The following SCAP variants were observed in gnomAD, a reference collection of about 807,000 sequenced individuals.
The protein encoded by SCAP is sterol regulatory element-binding protein cleavage-activating protein.
In SCAP, 65 loss-of-function variants were observed where a neutral mutation model predicts 123.6. That is an observed-to-expected ratio of 0.53 (90% CI 0.43 to 0.65). The LOEUF (loss-of-function observed/expected upper bound fraction) is 0.65, where lower values mean the gene tolerates loss of function less well. SCAP is among the 30% of genes least tolerant of loss of function. The probability of loss-of-function intolerance (pLI) is 0.00; values close to 1 mark genes in which losing one functional copy is unlikely to be tolerated. For synonymous variants in SCAP, 740 were observed against 726.3 expected, an observed-to-expected ratio of 1.02 and a Z score of -0.30; for missense variants, 1,398 against 1,712.5, an observed-to-expected ratio of 0.82 and a Z score of 3.24.
intron 18 of SCAP, 148 bp from the exon 19 acceptor site, chr3:47,415,328 T>C: frequency 1.5e-6 from 1 of 661,246 alleles, no homozygotes; most frequent in Non-Finnish European, 2.5e-6. Context: ...GAACAGATGC[T>C]GGAGCCAGAG....
chr3:47,434,954 G>T (rs752831413), intron 3 of SCAP, 54 bp downstream of exon 3: 3 of 1,612,322 alleles, frequency 1.9e-6, no homozygotes, highest in Non-Finnish European at 2.5e-6. Flanking sequence ...CCCTGCCTCA[G>T]CCAGTCTCCA....
rs199738061 is a variant in SCAP, at chr3:47,414,582, T to C, written c.3377A>G (p.Tyr1126Cys). 16 of 1,613,468 alleles carry C rather than the reference T, an allele frequency of 9.9e-6. No homozygotes were observed. The Admixed American group carries it at 2.5e-4, about 25-fold the overall frequency. Residue 1126 changes from tyrosine to cysteine, a missense_variant, in exon 21 of 23, where the codon TAC becomes TGC. Coordinates refer to ENST00000265565, the MANE Select transcript of SCAP (RefSeq NM_012235.4). ...QGHSGAITTV[Y>C]IDQTMVLASG... is the part of the protein sequence containing the mutation. ...CTGCAGGCCGCTTACCTGGTCAATGTACACGGTCGTGATGGCCCCTGAGTG... is the reference window on the plus strand; with the variant it reads ...CTGCAGGCCGCTTACCTGGTCAATGCACACGGTCGTGATGGCCCCTGAGTG...
chr3:47,437,638 G>C (rs1324859466), intron 2 of SCAP, among the ~76,000 whole-genome samples: 1 of 151,826 alleles, frequency 6.6e-6, no homozygotes, highest in Non-Finnish European at 1.5e-5. Flanking sequence ...CCCAGCTCGG[G>C]AGGCTTAAGT....
intron 3 of SCAP, 177 bp from the exon 4 acceptor site, chr3:47,428,847 T>C: frequency 1.6e-6 from 1 of 636,992 alleles, no homozygotes. Context: ...AACAATTTGC[T>C]GAAACCCAGA....
upstream of SCAP, among the ~76,000 whole-genome samples, chr3:47,476,660 G>C (rs977951942): frequency 6.6e-6 from 1 of 152,166 alleles, no homozygotes; most frequent in Non-Finnish European, 1.5e-5. Context: ...TGCGGAGCTG[G>C]TATTGTACAT....
intron 3 of SCAP, 51 bp from the exon 4 acceptor site, chr3:47,428,721 G>C: frequency 6.3e-7 from 1 of 1,594,766 alleles, no homozygotes; most frequent in South Asian, 1.1e-5. Context: ...ACAGGAAGAA[G>C]AAAGACGGTC....
intron 6 of SCAP, among the ~76,000 whole-genome samples, chr3:47,426,940 C>T (rs1023035182): frequency 3.9e-5 from 6 of 152,184 alleles, no homozygotes; most frequent in Non-Finnish European, 8.8e-5. Flanking sequence ...CCAGCCCTAC[C>T]TTAGTCCCCT....
Position 47,442,943 on chromosome 3 carries a change from G to T in SCAP, c.51C>A (p.Asn17Lys). The T allele has an allele frequency of 6.2e-7, 1 of 1,614,146 alleles. No individual in the cohort carries two copies. The highest frequency in any genetic ancestry group is 8.5e-7 in the Non-Finnish European group (1 of 1,180,028). ...LREKISRAFY[N>K]HGLLCASYPI... ...GATAGGATGCACAGAGGAGCCCATGGTTGTAGAAGGCCCGAGATATCTTCT... is the reference window on the plus strand; with the variant it reads ...GATAGGATGCACAGAGGAGCCCATGTTTGTAGAAGGCCCGAGATATCTTCT... Residue 17 changes from asparagine (N) to lysine (K), a missense_variant, in exon 2 of 23, where the codon AAC (asparagine) becomes AAA (lysine). Asn to Lys is a moderately conservative substitution (Grantham distance 94, BLOSUM62 0). Transcript: ENST00000265565.
rs1431164026 is a variant in SCAP at position 47,475,828 on chromosome 3, C to CGGCGGCGGCGGCGGCGACGGG, written c.-149_-129dup. On this transcript the variant is annotated 5_prime_UTR_variant, in exon 1 of 23. Transcript: ENST00000265565. ...GGTGGCAGCACCTCCCAAGCTGCGG[C>CGGCGGCGGCGGCGGCGACGGG]GGCGGCGGCGGCGGCGACGGGGGCG... 1.9e-5 allele frequency: 3 copies of CGGCGGCGGCGGCGGCGACGGG among 158,982 alleles called. No individual in the cohort carries two copies. Among genetic ancestry groups the CGGCGGCGGCGGCGGCGACGGG allele is most frequent in the Non-Finnish European group, 2.7e-5 (2 of 74,558 alleles). 9.8% of individuals were successfully genotyped at this position (158,982 alleles called of 1,614,324 possible). A position where few individuals can be genotyped will look rare whatever the true frequency, so the allele number is the denominator to read the frequency against.
intron 1 of SCAP, among the ~76,000 whole-genome samples, chr3:47,459,887 G>T (rs1450571413): frequency 6.6e-6 from 1 of 152,154 alleles, no homozygotes; most frequent in Non-Finnish European, 1.5e-5. Flanking sequence ...CAGGAGACCA[G>T]GGCGTATTTC....
In SCAP at chr3:47,418,492, G is replaced by T; in HGVS notation, c.2160C>A (p.Ile720=). Reference sequence around the variant, plus strand: ...GGCAGAGCAGCAGCAGCACCAAGACGATGCCGGTGGCCAGGCCCAGCGCCG... The same window carrying T: ...GGCAGAGCAGCAGCAGCACCAAGACTATGCCGGTGGCCAGGCCCAGCGCCG... ...KVAALGLATG[I]VLVLLLLCLY... Residue 720 remains isoleucine (I), a synonymous_variant, in exon 15 of 23, where the codon ATC becomes ATA. Transcript: ENST00000265565. The T allele has an allele frequency of 1.3e-6, 2 of 1,599,384 alleles. No individual in the cohort carries two copies. The highest frequency in any genetic ancestry group is 1.7e-6 in the Non-Finnish European group (2 of 1,174,548).
At chr3:47,423,678 G>T (rs1287121066) in intron 9 of SCAP, among the ~76,000 whole-genome samples, 1 of 152,226 alleles carries the variant, frequency 6.6e-6, no homozygotes, top group African/African-American at 2.4e-5. Context: ...ACAGGTGTGA[G>T]CCATGGCACC....
chr3:47,439,036 T>C lies in SCAP; in HGVS notation c.122+3836A>G, dbSNP rs4858812. Among the ~76,000 whole-genome samples the C allele has an allele frequency of 0.96, 145,949 of 152,170 alleles. 70,313 individuals are homozygous for C. Among genetic ancestry groups the C allele is most frequent in the East Asian group, 1 (5,184 of 5,184 alleles). ...GCCAGGCACTATTCTAAGCACTTGA[T>C]ATGTACAGATACATCTTGACTTACG... On this transcript the variant is annotated intron_variant, in intron 2 of 22. Transcript: ENST00000265565. The surrounding 1 kb of genome is among the most constrained non-coding windows in gnomAD (Gnocchi z 4.0).
intron 3 of SCAP, among the ~76,000 whole-genome samples, chr3:47,434,125 T>G (rs997898921): frequency 8.5e-5 from 13 of 152,268 alleles, no homozygotes; most frequent in African/African-American, 3.1e-4. Flanking sequence ...ATGCCTCTAT[T>G]TCAGCCGCAG....
In SCAP at chr3:47,418,226, G is replaced by T; in HGVS notation, c.2355C>A (p.Asp785Glu). ...GGCAGCAGCTCACCAGCAGCATGCC[G>T]TCGCTGGCCAGGCACTCGATGTCCT... ...HLMDIECLAS[D>E]GMLLVSCCLA... The change falls in exon 16 of 23, where the codon GAC (aspartate) becomes GAA (glutamate). Residue 785 changes from aspartate to glutamate, a missense_variant. Transcript: ENST00000265565. 1 of 1,569,744 alleles carries T rather than the reference G, an allele frequency of 6.4e-7. No homozygotes were observed. Among genetic ancestry groups the T allele is most frequent in the Non-Finnish European group, 8.6e-7 (1 of 1,157,988 alleles).
At position 47,419,675 on chromosome 3, in the gene SCAP, C is replaced by A; in HGVS notation, c.1593G>T (p.Leu531=). The change falls in exon 13 of 23, where the codon CTG becomes CTT. Residue 531 remains leucine (L), a synonymous_variant. Transcript: ENST00000265565. The surrounding 1 kb of genome is among the most constrained non-coding windows in gnomAD (Gnocchi z 5.0). ...MAGTVVWIGI[L]VYTDPAGLRN... ...GCAGCCCTGCTGGGTCTGTGTATAC[C>A]AGGATGCCAATCCAGACAACGGTGC... 6.5e-7 allele frequency: 1 copy of A among 1,527,788 alleles called. No homozygotes were observed. Among genetic ancestry groups the A allele is most frequent in the Non-Finnish European group, 8.8e-7 (1 of 1,137,258 alleles). 94.6% of individuals were successfully genotyped at this position (1,527,788 alleles called of 1,614,324 possible).
chr3:47,420,005 G>C lies in SCAP; in HGVS notation c.1564-301C>G, dbSNP rs559204497. 3.3e-5 allele frequency among the ~76,000 whole-genome samples: 5 copies of C among 152,308 alleles called. No homozygotes were observed. The East Asian group carries it at 7.7e-4, about 24-fold the overall frequency. ...GTCCCCACCCCTAAGCTCCACCTCA[G>C]CTGGAGCCAGAAAGCTGCTACCATT... is the stretch of plus-strand genomic sequence containing the variant. On this transcript the variant is annotated intron_variant, in intron 12 of 22. Transcript: ENST00000265565. The surrounding 1 kb of genome is among the most constrained non-coding windows in gnomAD (Gnocchi z 5.0).
intron 3 of SCAP, among the ~76,000 whole-genome samples, chr3:47,429,332 G>T (rs944514291): frequency 6.6e-6 from 1 of 152,250 alleles, no homozygotes; most frequent in Non-Finnish European, 1.5e-5. Context: ...GTAGGCAAAC[G>T]ATGGCCTGTA....
At chr3:47,454,764 AT>A (rs1359911917) in intron 1 of SCAP, among the ~76,000 whole-genome samples, 4 of 151,896 alleles carry the variant, frequency 2.6e-5, no homozygotes, top group African/African-American at 9.7e-5. Flanking sequence ...AATAAAAAAA[AT>A]ACACATATAT....
Sources: gnomAD v4.1 joint callset for allele counts (sites outside exome capture counted in the v4.1 genomes callset) on GRCh38, gnomAD v4.1.1 for gene constraint, Gnocchi (gnomAD v3.1) non-coding constraint, MANE v1.5 for transcripts, NCBI Gene and HGNC (gene_info 2026-07-23, HGNC 2026-07-21) for gene names.